Variants in ACO1 observed in about 807,000 individuals in gnomAD.
The protein encoded by ACO1 is aconitase 1.
ACO1 carries 78 observed loss-of-function variants against 105.1 expected under a neutral mutation model. The observed-to-expected ratio is 0.74, with a 90% confidence interval of 0.62 to 0.90. The LOEUF (loss-of-function observed/expected upper bound fraction) is 0.90. Ranked by LOEUF, ACO1 falls within the 40% of genes least tolerant of loss-of-function variation. The pLI is 0.00. For missense variants in ACO1, 965 were observed against 1,111.1 expected (o/e 0.87, Z 1.87); for synonymous variants, 364 against 397.4 (o/e 0.92, Z 1.00).
rs755643207 is a variant in ACO1, at chr9:32,431,867, C to G, written c.1851+24C>G. On this transcript the variant is annotated intron_variant, in intron 15 of 20. Coordinates refer to ENST00000309951, the MANE Select transcript of ACO1 (RefSeq NM_002197.3). The stretch of plus-strand genomic sequence containing the variant: ...AGGTGAGGTCCCACACTGCCCTCCC[C>G]GCCCCAGAGGATCTAAGGGAAAGCT... 2.5e-6 allele frequency: 4 copies of G among 1,613,050 alleles called. No individual in the cohort carries two copies. The South Asian group carries it at 3.3e-5, about 13-fold the overall frequency.
chr9:32,408,596 G>A lies in ACO1; in HGVS notation c.349G>A (p.Val117Ile), dbSNP rs1821666604. 3.1e-6 allele frequency: 5 copies of A among 1,614,102 alleles called. No individual in the cohort carries two copies. In the South Asian group the frequency reaches 5.5e-5, roughly 18 times the overall value. Residue 117 changes from valine to isoleucine, a missense_variant, in exon 4 of 21, where the codon GTC (valine) becomes ATC (isoleucine). Physicochemically the swap from Val to Ile is conservative, Grantham distance 29. Coordinates refer to ENST00000309951, the MANE Select transcript of ACO1 (RefSeq NM_002197.3). ...LGGDPEKINP[V>I]CPADLVIDHS... ...AGGAGATCCAGAGAAAATAAACCCT[G>A]TCTGCCCTGCTGATCTTGTAATAGA...
rs1373595065 is a variant in ACO1, at chr9:32,433,743, T to C, written c.1867T>C (p.Trp623Arg). The change falls in exon 16 of 21, where the codon TGG (tryptophan) becomes CGG (arginine). Residue 623 changes from tryptophan to arginine, a missense_variant. Coordinates refer to ENST00000309951, the MANE Select transcript of ACO1 (RefSeq NM_002197.3). ...YQKIETVNESWNALATPSDKL... is the reference protein window; with the variant it reads ...YQKIETVNESRNALATPSDKL... The stretch of plus-strand genomic sequence containing the variant: ...CTTTTTTAAGACTGTGAATGAAAGC[T>C]GGAATGCCTTAGCAACCCCATCAGA... 1 of 1,609,158 alleles carries C rather than the reference T, an allele frequency of 6.2e-7. No homozygotes were observed.
intron 1 of ACO1, among the ~76,000 whole-genome samples, chr9:32,394,189 T>A (rs1821324298): frequency 6.6e-6 from 1 of 152,202 alleles, no homozygotes; most frequent in Admixed American, 6.5e-5. Flanking sequence ...TTTCAGTGAC[T>A]CTGTACCTCT....
At chr9:32,388,103 G>T (rs1022461528) in intron 1 of ACO1, among the ~76,000 whole-genome samples, 1 of 152,148 alleles carries the variant, frequency 6.6e-6, no homozygotes, top group African/African-American at 2.4e-5. Context: ...TCCCTCCCTG[G>T]AGCCATCTCA....
chr9:32,430,290 A>C, intron 13 of ACO1, 128 bp from the exon 14 acceptor site: 2 of 897,056 alleles, frequency 2.2e-6, no homozygotes, highest in Non-Finnish European at 3.3e-6. Flanking sequence ...CTCTAGTGGG[A>C]GAGAACCAAG....
intron 1 of ACO1, among the ~76,000 whole-genome samples, chr9:32,385,917 T>C (rs1482979315): frequency 2.0e-5 from 3 of 152,198 alleles, no homozygotes; most frequent in Non-Finnish European, 2.9e-5. Context: ...CTTCCTCTGA[T>C]TGGGAACACA....
At chr9:32,440,653 A>G (rs1363288892) in intron 19 of ACO1, 66 bp downstream of exon 19, 1 of 1,561,906 alleles carries the variant, frequency 6.4e-7, no homozygotes, top group African/African-American at 1.4e-5. Flanking sequence ...CCAGGCACAA[A>G]TCCTGTTGCT....
chr9:32,419,192 C>A lies in ACO1; in HGVS notation c.798+15C>A. Reference sequence around the variant, plus strand: ...CCATTACCAAGGTAACAATGTGCATCCTCTTCTGTGGTCTTGGAAAGCCAC... The same window carrying A: ...CCATTACCAAGGTAACAATGTGCATACTCTTCTGTGGTCTTGGAAAGCCAC... On this transcript the variant is annotated intron_variant, in intron 7 of 20. Coordinates refer to ENST00000309951, the MANE Select transcript of ACO1 (RefSeq NM_002197.3). The A allele has an allele frequency of 6.4e-7, 1 of 1,559,726 alleles. No homozygotes were observed.
Position 32,423,427 on chromosome 9 carries a change from A to C in ACO1, c.1071+8A>C. 1 of 1,562,560 alleles carries C rather than the reference A, an allele frequency of 6.4e-7. No homozygotes were observed. Among genetic ancestry groups the C allele is most frequent in the Non-Finnish European group, 8.8e-7 (1 of 1,142,366 alleles). On this transcript the variant is annotated splice_region_variant and intron_variant, in intron 9 of 20. Transcript: ENST00000309951. ...GACCCAGACTTCACCCAGGTATGAG[A>C]GTGCCTTCCACTGTGCATGTATTTC...
chr9:32,403,696 C>T (rs1429937488), intron 1 of ACO1, among the ~76,000 whole-genome samples: 2 of 152,162 alleles, frequency 1.3e-5, no homozygotes, highest in African/African-American at 2.4e-5. Context: ...GCATCTGGCT[C>T]CTTTAGGATT....
At chr9:32,431,066 A>G (rs1054074422) in intron 14 of ACO1, among the ~76,000 whole-genome samples, 5 of 152,234 alleles carry the variant, frequency 3.3e-5, no homozygotes, top group Non-Finnish European at 4.4e-5. Context: ...CTTTAGACGT[A>G]CAGTTGATCC....
At chr9:32,407,129 G>A in intron 2 of ACO1, 132 bp from the exon 3 acceptor site, 1 of 806,200 alleles carries the variant, frequency 1.2e-6, no homozygotes, top group African/African-American at 1.7e-5. Context: ...TTAAACTGTT[G>A]GTCACTTTAC....
intron 15 of ACO1, 73 bp from the exon 16 acceptor site, chr9:32,433,655 T>G: frequency 9.0e-7 from 1 of 1,110,002 alleles, no homozygotes; most frequent in South Asian, 1.4e-5. Flanking sequence ...CTTGAATGTA[T>G]GTTTTGTGTT....
At position 32,420,252 on chromosome 9, in the gene ACO1, C is replaced by G. The variant is rs772768397; in HGVS notation, c.799-604C>G. 9.9e-4 allele frequency among the ~76,000 whole-genome samples: 117 copies of G among 118,290 alleles called. 2 individuals are homozygous for G. The highest frequency in any genetic ancestry group is 2.7e-4 in the Non-Finnish European group (13 of 48,222). 77.6% of individuals were successfully genotyped at this position (118,290 alleles called of 152,430 possible). On this transcript the variant is annotated intron_variant, in intron 7 of 20. Coordinates refer to ENST00000309951, the MANE Select transcript of ACO1 (RefSeq NM_002197.3). ...GGTTACATTTGACTTATACTTGTAG[C>G]ATGAATTTTGCTCATTACGCCTTTG... is the stretch of plus-strand genomic sequence containing the variant.
At chr9:32,397,612 A>G (rs1821400068) in intron 1 of ACO1, among the ~76,000 whole-genome samples, 1 of 152,240 alleles carries the variant, frequency 6.6e-6, no homozygotes, top group Non-Finnish European at 1.5e-5. Flanking sequence ...TAGATACACA[A>G]AAGTTAGTTT....
At chr9:32,420,714 G>C in intron 7 of ACO1, 142 bp from the exon 8 acceptor site, 1 of 833,778 alleles carries the variant, frequency 1.2e-6, no homozygotes, top group South Asian at 2.1e-5. Flanking sequence ...TTTAAGTTTT[G>C]AAAGTGATCA....
rs148657938 is a variant in ACO1 at position 32,434,686 on chromosome 9, A to G, written c.2084A>G (p.Tyr695Cys). 3.7e-6 allele frequency: 6 copies of G among 1,613,952 alleles called. No homozygotes were observed. Among genetic ancestry groups the G allele is most frequent in the Non-Finnish European group, 5.1e-6 (6 of 1,179,954 alleles). Residue 695 changes from tyrosine (Y) to cysteine (C), a missense_variant, in exon 17 of 21, where the codon TAC becomes TGC. By Grantham distance (194) the Tyr-to-Cys change is radical (BLOSUM62 -2). Coordinates refer to ENST00000309951, the MANE Select transcript of ACO1 (RefSeq NM_002197.3). ...NIARNSPAAR[Y>C]LTNRGLTPRE... ...GCAAGAAACAGTCCTGCTGCTCGCTACTTAACTAACAGAGGGTAAGTATGA... is the reference window on the plus strand; with the variant it reads ...GCAAGAAACAGTCCTGCTGCTCGCTGCTTAACTAACAGAGGGTAAGTATGA...
In ACO1 at chr9:32,452,794, A is replaced by T. The variant is rs10813819; in HGVS notation, c.*2683A>T. 74,802 of 148,178 alleles carry T rather than the reference A, an allele frequency of 0.5. 19,186 individuals are homozygous for T. Among genetic ancestry groups the T allele is most frequent in the Middle Eastern group, 0.63 (182 of 288 alleles). 9.2% of individuals were successfully genotyped at this position (148,178 alleles called of 1,614,324 possible). A position where few individuals can be genotyped will look rare whatever the true frequency, so the allele number is the denominator to read the frequency against. ...GCCTGGGCAACACTCTACAAAAAAAAAAATAAATAAATAAATAAATAAAAT... is the reference window on the plus strand; with the variant it reads ...GCCTGGGCAACACTCTACAAAAAAATAAATAAATAAATAAATAAATAAAAT... On this transcript the variant is annotated 3_prime_UTR_variant, in exon 21 of 21. Coordinates refer to ENST00000309951, the MANE Select transcript of ACO1 (RefSeq NM_002197.3).
At chr9:32,420,730 G>A (rs891575338) in intron 7 of ACO1, 126 bp from the exon 8 acceptor site, 2 of 946,666 alleles carry the variant, frequency 2.1e-6, no homozygotes, top group East Asian at 4.9e-5. Flanking sequence ...GATCACAAAT[G>A]TGTTGGGCTG....
Sources: gnomAD v4.1 joint callset for allele counts (sites outside exome capture counted in the v4.1 genomes callset) on GRCh38, gnomAD v4.1.1 for gene constraint, MANE v1.5 for transcripts, NCBI Gene and HGNC (gene_info 2026-07-23, HGNC 2026-07-21) for gene names.